The following ABR variants were observed in gnomAD, a reference collection of about 807,000 sequenced individuals.
ABR encodes ABR activator of RhoGEF and GTPase, also known as active breakpoint cluster region-related protein.
In ABR, 35 loss-of-function variants were observed where a neutral mutation model predicts 107.2. The observed-to-expected ratio is 0.33, with a 90% CI of 0.25 to 0.43. The LOEUF is 0.43. Among genes scored for constraint, ABR ranks in the 20% least tolerant of loss-of-function variants. The probability of loss-of-function intolerance (pLI) is 1.00; values close to 1 mark genes in which losing one functional copy is unlikely to be tolerated. For synonymous variants in ABR, 498 were observed against 462.0 expected (o/e 1.08, Z -1.00); for missense variants, 815 against 1,115.2 (o/e 0.73, Z 3.83).
At chr17:1,206,205 T>A (rs530729791) in intron 1 of ABR, among the ~76,000 whole-genome samples, 2 of 152,314 alleles carry the variant, frequency 1.3e-5, no homozygotes, top group Non-Finnish European at 2.9e-5. Flanking sequence ...TGAGCTCTCA[T>A]GTGACCACTG....
intron 1 of ABR, among the ~76,000 whole-genome samples, chr17:1,202,021 A>G (rs911468089): frequency 6.6e-6 from 1 of 152,132 alleles, no homozygotes; most frequent in Non-Finnish European, 1.5e-5. Context: ...GCTATTCTTC[A>G]TAAGTGTGTT....
At position 1,056,088 on chromosome 17, in the gene ABR, T is replaced by C. The variant is rs748693757; in HGVS notation, c.1508A>G (p.Tyr503Cys). 1.7e-5 allele frequency: 27 copies of C among 1,614,014 alleles called. No homozygotes were observed. The South Asian group carries it at 2.6e-4, about 16-fold the overall frequency. The change falls in exon 14 of 23, where the codon TAT becomes TGT. Residue 503 changes from tyrosine (Y) to cysteine (C), a missense_variant. This residue lies in a region of ABR where 385 missense variants were observed against 596.9 expected (regional missense o/e 0.64). Coordinates refer to ENST00000302538, the MANE Select transcript of ABR (RefSeq NM_021962.5). ...GTGGACGATGACATGAAGGAAGCCA[T>C]AGAGTCCTGGAGACTCATCGTCTGC... ...NKDDDESPGL[Y>C]GFLHVIVHSA...
Position 1,125,226 on chromosome 17 carries a change from C to A in ABR, c.203G>T (p.Gly68Val). The change falls in exon 2 of 23, where the codon GGG becomes GTG. Residue 68 changes from glycine (G) to valine (V), a missense_variant. Coordinates refer to ENST00000302538, the MANE Select transcript of ABR (RefSeq NM_021962.5). ...AGGTGGAGTCGGGGAGACGCCATCC[C>A]CCCCGCCCTGGCTGCGGGCGCTGAG... Reference protein sequence around the residue: ...PQLSARSQGGGDGVSPTPPEG... With the variant: ...PQLSARSQGGVDGVSPTPPEG... 6.2e-7 allele frequency: 1 copy of A among 1,609,822 alleles called. No individual in the cohort carries two copies. The highest frequency in any genetic ancestry group is 8.5e-7 in the Non-Finnish European group (1 of 1,177,492).
rs367802603 is a variant in ABR at position 1,072,769 on chromosome 17, G to A, written c.754-15C>T. 23 of 1,611,192 alleles carry A rather than the reference G, an allele frequency of 1.4e-5. No individual in the cohort carries two copies. The highest frequency in any genetic ancestry group is 2.0e-5 in the Non-Finnish European group (23 of 1,179,380). ...TTCAGCAGGTCCTGGGAAGGGTGAGGCGGTGAGTTGAGGGGAGCGGCTCTG... is the reference window on the plus strand; with the variant it reads ...TTCAGCAGGTCCTGGGAAGGGTGAGACGGTGAGTTGAGGGGAGCGGCTCTG... On this transcript the variant is annotated splice_polypyrimidine_tract_variant and intron_variant, in intron 7 of 22. Transcript: ENST00000302538.
intron 16 of ABR, among the ~76,000 whole-genome samples, chr17:1,018,482 C>T (rs929175240): frequency 2.6e-5 from 4 of 152,212 alleles, no homozygotes; most frequent in Admixed American, 6.5e-5. Flanking sequence ...GCCCCTGGTC[C>T]GATTCACCCA....
chr17:1,041,224 C>A (rs2030410072), intron 16 of ABR, among the ~76,000 whole-genome samples: 1 of 152,080 alleles, frequency 6.6e-6, no homozygotes, highest in South Asian at 2.1e-4. Flanking sequence ...GGCCTAAGTT[C>A]TCTTGTTTTC....
chr17:1,070,536 C>T lies in ABR; in HGVS notation c.895-446G>A, dbSNP rs1344520641. Among the ~76,000 whole-genome samples the T allele has an allele frequency of 3.9e-5, 6 of 152,146 alleles. No homozygotes were observed. The South Asian group carries it at 6.2e-4, about 16-fold the overall frequency. The stretch of plus-strand genomic sequence containing the variant: ...CCCCGTTTGCAATCCCTCCCGACCG[C>T]GGCGGCGAACTTCATCTAGCCCCGG... On this transcript the variant is annotated intron_variant, in intron 8 of 22. Transcript: ENST00000302538. This position sits in a 1 kb window ranked among gnomAD's most constrained non-coding sequence, Gnocchi z 4.2.
At chr17:1,038,478 C>T (rs1027957680) in intron 16 of ABR, among the ~76,000 whole-genome samples, 1 of 152,182 alleles carries the variant, frequency 6.6e-6, no homozygotes, top group Admixed American at 6.5e-5. Context: ...GTGGGTCAGG[C>T]GGGTGTGTCT....
At chr17:1,085,110 CT>C (rs1230702293) in intron 4 of ABR, among the ~76,000 whole-genome samples, 4,900 of 126,106 alleles carry the variant, frequency 0.039, 233 homozygotes, top group African/African-American at 0.13. Context: ...CCAATTAAAA[CT>C]TTTTTTTTTT....
At chr17:1,136,133 C>T (rs1183332225) in intron 1 of ABR, among the ~76,000 whole-genome samples, 1 of 152,170 alleles carries the variant, frequency 6.6e-6, no homozygotes, top group Non-Finnish European at 1.5e-5. Context: ...GCACGGATCC[C>T]TTTTCTAGGA....
intron 1 of ABR, among the ~76,000 whole-genome samples, chr17:1,212,083 G>GAAAA (rs58750976): frequency 6.9e-6 from 1 of 144,602 alleles, no homozygotes; most frequent in Non-Finnish European, 1.5e-5. Context: ...ACCCCATCTC[G>GAAAA]AAAAAAAAAA....
intron 16 of ABR, among the ~76,000 whole-genome samples, chr17:1,023,190 C>T (rs1451657300): frequency 6.6e-6 from 1 of 152,252 alleles, no homozygotes. Context: ...GCGCCTCTGC[C>T]GGCCCCACGT....
At chr17:1,222,681 G>A (rs1231998254) in intron 1 of ABR, among the ~76,000 whole-genome samples, 1 of 152,176 alleles carries the variant, frequency 6.6e-6, no homozygotes, top group Non-Finnish European at 1.5e-5. Flanking sequence ...GGAGGCCAAG[G>A]AGCGAGGATC....
chr17:1,172,668 G>C (rs879316296), intron 1 of ABR, among the ~76,000 whole-genome samples: 96 of 152,154 alleles, frequency 6.3e-4, no homozygotes, highest in Non-Finnish European at 9.9e-4. Flanking sequence ...AGAATCGCTT[G>C]AACCCAGGAG....
intron 1 of ABR, among the ~76,000 whole-genome samples, chr17:1,158,492 G>A (rs977222116): frequency 2.6e-5 from 4 of 151,930 alleles, no homozygotes; most frequent in Admixed American, 2.6e-4. Context: ...GCTGGGTGCG[G>A]TGGCTCACAC....
At chr17:1,137,774 CAT>C (rs1183037105) in intron 1 of ABR, among the ~76,000 whole-genome samples, 2 of 152,124 alleles carry the variant, frequency 1.3e-5, no homozygotes, top group African/African-American at 4.8e-5. Flanking sequence ...TACGCCTGCA[CAT>C]GAGTGCCGTA....
intron 1 of ABR, among the ~76,000 whole-genome samples, chr17:1,129,506 T>G (rs2039734131): frequency 6.6e-6 from 1 of 152,084 alleles, no homozygotes; most frequent in Non-Finnish European, 1.5e-5. Flanking sequence ...CACTCCAGAC[T>G]GGGCGACAGA....
chr17:1,172,305 G>A (rs887129115), intron 1 of ABR, among the ~76,000 whole-genome samples: 7 of 152,214 alleles, frequency 4.6e-5, no homozygotes, highest in Non-Finnish European at 7.3e-5. Context: ...GGTGCCTTCC[G>A]TAGCCTGCCT....
In ABR at chr17:1,179,477, CCCCGAT is replaced by C. The variant is rs1277204531; in HGVS notation, c.61+184_61+189del. On this transcript the variant is annotated intron_variant, in intron 1 of 22. Coordinates refer to ENST00000302538, the MANE Select transcript of ABR (RefSeq NM_021962.5). The surrounding 1 kb of genome is among the most constrained non-coding windows in gnomAD (Gnocchi z 4.9). The stretch of plus-strand genomic sequence containing the variant: ...GACCAGCCCGGCTCCTGGGTCCCGA[CCCCGAT>C]CCCGATTCCCAACCCGACCCCGATC... Among the ~76,000 whole-genome samples the C allele has an allele frequency of 1.3e-5, 2 of 150,698 alleles. No homozygotes were observed. The highest frequency in any genetic ancestry group is 2.4e-5 in the African/African-American group (1 of 40,986).
Sources: allele counts gnomAD v4.1 joint callset (sites outside exome capture counted in the v4.1 genomes callset), GRCh38; gene constraint gnomAD v4.1.1; regional missense constraint gnomAD v4.1.1; non-coding constraint Gnocchi (gnomAD v3.1); transcripts MANE v1.5; gene names NCBI Gene and HGNC (gene_info 2026-07-23, HGNC 2026-07-21).